Variants in PRIM2 observed in about 807,000 individuals in gnomAD.
PRIM2 encodes DNA primase subunit 2.
A neutral mutation model predicts 67.3 loss-of-function variants in PRIM2; 39 were observed. The observed-to-expected ratio is 0.58, with a 90% CI of 0.45 to 0.76. The LOEUF (loss-of-function observed/expected upper bound fraction) is 0.76. PRIM2 is among the 30% of genes least tolerant of loss of function. The probability of loss-of-function intolerance (pLI) is 0.00; values close to 1 mark genes in which losing one functional copy is unlikely to be tolerated. For synonymous variants in PRIM2, 143 were observed against 198.7 expected (o/e 0.72, Z 2.36); for missense variants, 398 against 598.7 (o/e 0.66, Z 3.50).
rs1410076942 is a variant in PRIM2, at chr6:57,535,672, G to A, written c.835-1768G>A. Reference sequence around the variant, plus strand: ...CTGAGGTCAGGAGTTCGAGACCAGCGTGGCCAACATGGTGAAACTCTGTCT... The same window carrying A: ...CTGAGGTCAGGAGTTCGAGACCAGCATGGCCAACATGGTGAAACTCTGTCT... On this transcript the variant is annotated intron_variant, in intron 9 of 13. Transcript: ENST00000615550. Among the ~76,000 whole-genome samples, 1,470 of 152,114 alleles carry A rather than the reference G, an allele frequency of 9.7e-3. 18 individuals carry two copies. Among genetic ancestry groups the A allele is most frequent in the African/African-American group, 0.032 (1,334 of 41,480 alleles).
intron 10 of PRIM2, among the ~76,000 whole-genome samples, chr6:57,584,972 C>T (rs1197155194): frequency 1.3e-5 from 2 of 152,148 alleles, no homozygotes; most frequent in South Asian, 2.1e-4. Context: ...CAGTTCTCAC[C>T]GATGAGAAAT....
chr6:57,646,231 G>A lies in PRIM2; in HGVS notation c.*73G>A, dbSNP rs1368034125. The A allele has an allele frequency of 9.7e-6, 7 of 719,464 alleles. No homozygotes were observed. The highest frequency in any genetic ancestry group is 1.8e-5 in the South Asian group (1 of 56,812). 44.6% of individuals were successfully genotyped at this position (719,464 alleles called of 1,614,324 possible). ...GATTTTGCCTTTGTTGTTGAAAAAG[G>A]GTTTCACTCTGTCACCAAGGCTTAG... On this transcript the variant is annotated 3_prime_UTR_variant, in exon 14 of 14. Transcript: ENST00000615550.
chr6:57,323,535 A>G (rs1767732248), intron 3 of PRIM2, among the ~76,000 whole-genome samples: 2 of 152,136 alleles, frequency 1.3e-5, no homozygotes, highest in South Asian at 4.1e-4. Context: ...AAGGTAAATG[A>G]TAATTATCCT....
intron 7 of PRIM2, among the ~76,000 whole-genome samples, chr6:57,419,700 G>GGGGT (rs1771400925): frequency 1.3e-5 from 2 of 152,106 alleles, no homozygotes; most frequent in South Asian, 4.2e-4. Context: ...GCAGGAGGGA[G>GGGGT]GGGTAGTATG....
rs1235964315 is a variant in PRIM2, at chr6:57,482,919, G to T, written c.694-24468G>T. Among the ~76,000 whole-genome samples, 117 of 151,952 alleles carry T rather than the reference G, an allele frequency of 7.7e-4. 2 individuals carry two copies. The East Asian group carries it at 0.016, about 21-fold the overall frequency. ...CTCTTAGGAAAGTAGATTTTTTTTT[G>T]TTGTTGTTAAGATGGAATCTTGCTT... On this transcript the variant is annotated intron_variant, in intron 7 of 13. Coordinates refer to ENST00000615550, the MANE Select transcript of PRIM2 (RefSeq NM_000947.5).
At chr6:57,584,096 G>T (rs1339095568) in intron 10 of PRIM2, among the ~76,000 whole-genome samples, 4 of 152,032 alleles carry the variant, frequency 2.6e-5, no homozygotes, top group Non-Finnish European at 5.9e-5. Flanking sequence ...TAGTGCATTT[G>T]TACTCAATTC....
intron 7 of PRIM2, among the ~76,000 whole-genome samples, chr6:57,488,565 T>TGA: frequency 6.6e-6 from 1 of 152,362 alleles, no homozygotes; most frequent in Middle Eastern, 3.4e-3. Context: ...ACCGAGCAAG[T>TGA]GAGACCTGTT....
chr6:57,453,695 A>G (rs978665811), intron 7 of PRIM2, among the ~76,000 whole-genome samples: 12 of 152,154 alleles, frequency 7.9e-5, no homozygotes, highest in African/African-American at 2.4e-4. Flanking sequence ...GGCTGAGACA[A>G]TGGGGTTTTC....
chr6:57,483,523 AAACTTTATG>A (rs1773678623), intron 7 of PRIM2, among the ~76,000 whole-genome samples: 2 of 152,334 alleles, frequency 1.3e-5, no homozygotes, highest in African/African-American at 4.8e-5. Flanking sequence ...CACCGAAACC[AAACTTTATG>A]AGTCTTGGAT....
At chr6:57,484,336 T>C (rs1773696165) in intron 7 of PRIM2, among the ~76,000 whole-genome samples, 1 of 152,178 alleles carries the variant, frequency 6.6e-6, no homozygotes, top group South Asian at 2.1e-4. Flanking sequence ...ATAGGGATTG[T>C]TGTAGGGTTT....
chr6:57,625,273 C>A (rs1238535335), intron 12 of PRIM2, among the ~76,000 whole-genome samples: 2 of 152,098 alleles, frequency 1.3e-5, no homozygotes, highest in Admixed American at 1.3e-4. Context: ...TTTTGAGGAA[C>A]CCTAGTCCTG....
At chr6:57,503,315 C>G (rs1554347044) in intron 7 of PRIM2, among the ~76,000 whole-genome samples, 1 of 152,148 alleles carries the variant, frequency 6.6e-6, no homozygotes, top group African/African-American at 2.4e-5. Context: ...TGCTGCTTTA[C>G]GAAGAGTTAG....
chr6:57,381,369 A>G (rs1278399360), intron 6 of PRIM2, among the ~76,000 whole-genome samples: 3 of 152,220 alleles, frequency 2.0e-5, no homozygotes, highest in African/African-American at 7.2e-5. Context: ...GAAAAATTCT[A>G]TTGGAGAGTA....
At chr6:57,334,234 G>A (rs1768147765) in intron 5 of PRIM2, among the ~76,000 whole-genome samples, 2 of 151,870 alleles carry the variant, frequency 1.3e-5, no homozygotes, top group African/African-American at 4.8e-5. Context: ...GCAAGTGGCA[G>A]GATTTTCATT....
intron 13 of PRIM2, among the ~76,000 whole-genome samples, chr6:57,641,411 C>T (rs1562808970): frequency 6.6e-6 from 1 of 152,136 alleles, no homozygotes; most frequent in Non-Finnish European, 1.5e-5. Flanking sequence ...AACTAAAGAG[C>T]TTTTGCACCG....
chr6:57,410,800 G>A (rs1232845687), intron 7 of PRIM2, among the ~76,000 whole-genome samples: 1 of 152,012 alleles, frequency 6.6e-6, no homozygotes, highest in African/African-American at 2.4e-5. Flanking sequence ...GTGCATTCTT[G>A]TCTTGTTCCT....
At chr6:57,292,503 G>T in the PRIM2 span, among the ~76,000 whole-genome samples, 1 of 152,068 alleles carries the variant, frequency 6.6e-6, no homozygotes, top group African/African-American at 2.4e-5. Context: ...TTACTTTAAA[G>T]TTCATTTGGA....
intron 7 of PRIM2, among the ~76,000 whole-genome samples, chr6:57,481,615 G>A (rs1174012281): frequency 5.9e-5 from 9 of 151,418 alleles, no homozygotes; most frequent in South Asian, 4.2e-4. Flanking sequence ...TGTGACAAAC[G>A]CCCAAGAGTA....
At chr6:57,605,041 G>A (rs1357935908) in intron 11 of PRIM2, among the ~76,000 whole-genome samples, 3 of 152,182 alleles carry the variant, frequency 2.0e-5, no homozygotes, top group Non-Finnish European at 4.4e-5. Flanking sequence ...TATGGTTTTT[G>A]TTTTTAATTC....
Sources: allele counts gnomAD v4.1 joint callset (sites outside exome capture counted in the v4.1 genomes callset), GRCh38; gene constraint gnomAD v4.1.1; transcripts MANE v1.5; gene names NCBI Gene and HGNC (gene_info 2026-07-23, HGNC 2026-07-21).